Variants in NEMF observed in about 807,000 individuals in gnomAD.
NEMF encodes the protein ribosome quality control complex subunit NEMF.
Under a neutral mutation model 162.2 loss-of-function variants are expected in NEMF, and 89 were observed. The observed-to-expected ratio is 0.55, with a 90% CI of 0.46 to 0.65. The LOEUF (loss-of-function observed/expected upper bound fraction) is 0.65. Among genes scored for constraint, NEMF ranks in the 30% least tolerant of loss-of-function variants. The pLI is 0.00. For synonymous variants in NEMF, 421 were observed against 404.5 expected, an observed-to-expected ratio of 1.04 and a Z score of -0.49; for missense variants, 1,133 against 1,261.9, an observed-to-expected ratio of 0.90 and a Z score of 1.55.
intron 6 of NEMF, among the ~76,000 whole-genome samples, chr14:49,835,218 CAA>C (rs55826615): frequency 9.0e-5 from 12 of 132,912 alleles, no homozygotes; most frequent in Admixed American, 7.9e-5. Context: ...ACCCCGCAAC[CAA>C]AAAAAAAAAA....
At chr14:49,788,837 G>A (rs961307160) in intron 28 of NEMF, among the ~76,000 whole-genome samples, 1 of 152,108 alleles carries the variant, frequency 6.6e-6, no homozygotes, top group Non-Finnish European at 1.5e-5. Flanking sequence ...GATTACAGGC[G>A]TGAGCCACCG....
At chr14:49,847,223 A>G (rs1270672078) in intron 3 of NEMF, among the ~76,000 whole-genome samples, 1 of 151,104 alleles carries the variant, frequency 6.6e-6, no homozygotes, top group Admixed American at 6.6e-5. Flanking sequence ...TTATTTGGAG[A>G]CGGAGTCTCA....
chr14:49,834,511 T>C (rs1464973796), intron 6 of NEMF, 62 bp from the exon 7 acceptor site: 4 of 1,245,498 alleles, frequency 3.2e-6, no homozygotes, highest in Non-Finnish European at 4.6e-6. Context: ...GTTTTTGTTT[T>C]TTGAGATGGA....
rs770739395 is a variant in NEMF at position 49,851,821 on chromosome 14, A to G, written c.114T>C (p.Leu38=). The G allele has an allele frequency of 4.5e-5, 70 of 1,572,186 alleles. No individual in the cohort carries two copies. The highest frequency in any genetic ancestry group is 5.6e-5 in the Non-Finnish European group (64 of 1,150,742). Reference sequence around the variant, plus strand: ...AATGTTCTTACTTTTGAAGACGAATAAGGTATGTCTTATTATCCACATCAT... The same window carrying G: ...AATGTTCTTACTTTTGAAGACGAATGAGGTATGTCTTATTATCCACATCAT... The part of the protein sequence containing the change: ...NVYDVDNKTY[L]IRLQKPDFKA... The change falls in exon 2 of 33, where the codon CTT becomes CTC. Residue 38 remains leucine, a synonymous_variant. Coordinates refer to ENST00000298310, the MANE Select transcript of NEMF (RefSeq NM_004713.6).
At chr14:49,824,739 A>G (rs998669369) in intron 16 of NEMF, among the ~76,000 whole-genome samples, 3 of 152,074 alleles carry the variant, frequency 2.0e-5, no homozygotes, top group Non-Finnish European at 4.4e-5. Flanking sequence ...CACTCAAACT[A>G]TAAGAGTAAA....
intron 25 of NEMF, among the ~76,000 whole-genome samples, chr14:49,798,821 G>A (rs930591487): frequency 6.6e-6 from 1 of 152,048 alleles, no homozygotes; most frequent in African/African-American, 2.4e-5. Context: ...GCAGGAGAAC[G>A]GCGTGAACCC....
At chr14:49,827,767 C>T (rs1892431975) in intron 15 of NEMF, among the ~76,000 whole-genome samples, 1 of 151,026 alleles carries the variant, frequency 6.6e-6, no homozygotes, top group East Asian at 1.9e-4. Flanking sequence ...GAGCTGAGAT[C>T]AAGCCATTGC....
intron 5 of NEMF, among the ~76,000 whole-genome samples, chr14:49,838,742 G>A (rs536870521): frequency 1.5e-3 from 222 of 151,858 alleles, no homozygotes; most frequent in Admixed American, 4.3e-3. Flanking sequence ...CCGCCACCAC[G>A]CCCGGCTAAT....
intron 5 of NEMF, chr14:49,839,743 C>A (rs895194616): frequency 2.6e-5 from 4 of 152,168 alleles, no homozygotes; most frequent in Non-Finnish European, 5.9e-5. Context: ...TTCGGCAGCA[C>A]ATATACTAAA....
intron 4 of NEMF, among the ~76,000 whole-genome samples, chr14:49,843,845 T>A (rs973386511): frequency 2.0e-5 from 3 of 152,202 alleles, no homozygotes; most frequent in Non-Finnish European, 2.9e-5. Flanking sequence ...ATGCCTGTGA[T>A]CCCAGCATTT....
At chr14:49,802,771 T>C (rs771706314) in intron 20 of NEMF, 44 bp from the exon 21 acceptor site, 1 of 1,496,888 alleles carries the variant, frequency 6.7e-7, no homozygotes, top group Non-Finnish European at 9.1e-7. Context: ...ATCAGTCTTC[T>C]CCATTTTTTG....
chr14:49,815,731 A>C (rs1321378467), intron 16 of NEMF, among the ~76,000 whole-genome samples: 1 of 152,146 alleles, frequency 6.6e-6, no homozygotes, highest in Non-Finnish European at 1.5e-5. Context: ...TCGAGAGGCC[A>C]AGGTGGGCGG....
intron 19 of NEMF, 34 bp from the exon 20 acceptor site, chr14:49,803,328 T>G: frequency 7.0e-7 from 1 of 1,435,996 alleles, no homozygotes; most frequent in Non-Finnish European, 9.6e-7. Flanking sequence ...TATTCTTATT[T>G]AAAAAAATAC....
intron 15 of NEMF, 69 bp from the exon 16 acceptor site, chr14:49,826,024 T>C: frequency 3.8e-6 from 4 of 1,043,778 alleles, no homozygotes; most frequent in South Asian, 1.4e-5. Flanking sequence ...AAGTAAATAA[T>C]GGGGCAAGAA....
At position 49,838,176 on chromosome 14, in the gene NEMF, C is replaced by A; in HGVS notation, c.537G>T (p.Lys179Asn). ...TAAGCACCCTCTTCAGTAGTTCACC[C>A]TTAGGTGCGCTGGCTACTATTTCAG... ...RLTEIVASAP[K>N]GELLKRVLNP... The change falls in exon 6 of 33, where the codon AAG (lysine) becomes AAT (asparagine). Residue 179 changes from lysine to asparagine, a missense_variant. Coordinates refer to ENST00000298310, the MANE Select transcript of NEMF (RefSeq NM_004713.6). The A allele has an allele frequency of 1.2e-6, 2 of 1,613,970 alleles. No individual in the cohort carries two copies. Among genetic ancestry groups the A allele is most frequent in the South Asian group, 2.2e-5 (2 of 91,068 alleles).
rs1201216200 is a variant in NEMF, at chr14:49,825,863, T to C, written c.1577+4A>G. On this transcript the variant is annotated splice_donor_region_variant and intron_variant, in intron 16 of 32. Coordinates refer to ENST00000298310, the MANE Select transcript of NEMF (RefSeq NM_004713.6). ...ACTGTATTTGAAAGAGACAGAACAC[T>C]TACCAATATACTTTTCTTGCTTTTT... is the stretch of plus-strand genomic sequence containing the variant. 1.3e-6 allele frequency: 2 copies of C among 1,547,092 alleles called. No individual in the cohort carries two copies. The highest frequency in any genetic ancestry group is 1.8e-6 in the Non-Finnish European group (2 of 1,125,014).
In NEMF at chr14:49,829,172, G is replaced by C; in HGVS notation, c.1114C>G (p.Gln372Glu). 1 of 1,614,078 alleles carries C rather than the reference G, an allele frequency of 6.2e-7. No individual in the cohort carries two copies. Among genetic ancestry groups the C allele is most frequent in the South Asian group, 1.1e-5 (1 of 91,086 alleles). Residue 372 changes from glutamine (Q) to glutamate (E), a missense_variant, in exon 13 of 33, where the codon CAG becomes GAG. Physicochemically the swap from Gln to Glu is conservative, Grantham distance 29. Transcript: ENST00000298310. ...IQVVRSALAN[Q>E]IDWTEIGLIV... ...AACCCAATTTCTGTCCAATCTATCTGGTTAGCTAAAGCACTTCGAACTACC... is the reference window on the plus strand; with the variant it reads ...AACCCAATTTCTGTCCAATCTATCTCGTTAGCTAAAGCACTTCGAACTACC...
At chr14:49,820,810 G>A (rs1486295516) in intron 16 of NEMF, among the ~76,000 whole-genome samples, 1 of 152,046 alleles carries the variant, frequency 6.6e-6, no homozygotes, top group Non-Finnish European at 1.5e-5. Flanking sequence ...GGTGGAGATG[G>A]GGTTTCGCTG....
intron 3 of NEMF, among the ~76,000 whole-genome samples, chr14:49,847,563 T>C (rs892373725): frequency 6.6e-6 from 1 of 152,154 alleles, no homozygotes; most frequent in African/African-American, 2.4e-5. Flanking sequence ...TTCCCTTTTG[T>C]ATGCTTCATT....
Sources: gnomAD v4.1 joint callset for allele counts (sites outside exome capture counted in the v4.1 genomes callset) on GRCh38, gnomAD v4.1.1 for gene constraint, MANE v1.5 for transcripts, NCBI Gene and HGNC (gene_info 2026-07-23, HGNC 2026-07-21) for gene names.